ADCY10: variants seen among roughly 807,000 people sequenced by gnomAD.
The protein encoded by ADCY10 is adenylate cyclase type 10.
In ADCY10, 156 loss-of-function variants were observed where a neutral mutation model predicts 183.3. The ratio of observed to expected loss-of-function variants is 0.85; its 90% CI spans 0.75 to 0.97. The LOEUF is 0.97. ADCY10 is among the 50% of genes least tolerant of loss of function. The pLI is 0.00. For missense variants in ADCY10, 1,745 were observed against 1,934.3 expected (o/e 0.90, Z 1.84); for synonymous variants, 645 against 670.0 (o/e 0.96, Z 0.58).
At chr1:167,881,981 T>A (rs1410488095) in intron 9 of ADCY10, among the ~76,000 whole-genome samples, 1 of 152,218 alleles carries the variant, frequency 6.6e-6, no homozygotes, top group African/African-American at 2.4e-5. Context: ...TGTCAATATA[T>A]GTGTTACTCA....
intron 17 of ADCY10, among the ~76,000 whole-genome samples, chr1:167,855,649 G>C (rs576194796): frequency 6.6e-6 from 1 of 152,194 alleles, no homozygotes; most frequent in Admixed American, 6.5e-5. Context: ...TTAAGAAGGC[G>C]TAACAGGGAG....
chr1:167,868,226 G>A (rs203814), intron 14 of ADCY10, among the ~76,000 whole-genome samples: 8,366 of 152,084 alleles, frequency 0.055, 688 homozygotes, highest in African/African-American at 0.18. Context: ...CTCATGTTAC[G>A]TTTGTGGAGA....
chr1:167,815,224 G>A lies in ADCY10; in HGVS notation c.4482+2848C>T, dbSNP rs568947699. On this transcript the variant is annotated intron_variant, in intron 31 of 32. Transcript: ENST00000367851. ...GTTTTACCTCCAGAAGCTCAACCAG[G>A]ATCTCTCAGTAAATATTGGAGGAAA... 3.9e-5 allele frequency among the ~76,000 whole-genome samples: 6 copies of A among 152,188 alleles called. No individual in the cohort carries two copies. The South Asian group carries it at 1.2e-3, about 32-fold the overall frequency.
At chr1:167,901,885 A>T in intron 4 of ADCY10, 80 bp from the exon 5 acceptor site, 1 of 1,600,292 alleles carries the variant, frequency 6.2e-7, no homozygotes, top group Admixed American at 1.7e-5. Context: ...ATAGAAACTT[A>T]CTCATCAAGC....
intron 9 of ADCY10, among the ~76,000 whole-genome samples, chr1:167,883,074 A>G (rs1667978307): frequency 6.6e-6 from 1 of 152,222 alleles, no homozygotes; most frequent in Non-Finnish European, 1.5e-5. Context: ...GTCTCACGCT[A>G]TAGCCCAGGC....
At chr1:167,849,720 ATGT>A (rs1665324576) in intron 18 of ADCY10, among the ~76,000 whole-genome samples, 1 of 152,252 alleles carries the variant, frequency 6.6e-6, no homozygotes, top group Non-Finnish European at 1.5e-5. Flanking sequence ...AAAGAGTAAC[ATGT>A]TGTGGGAACA....
At chr1:167,892,449 T>C (rs1196462714) in intron 8 of ADCY10, among the ~76,000 whole-genome samples, 1 of 152,226 alleles carries the variant, frequency 6.6e-6, no homozygotes, top group Non-Finnish European at 1.5e-5. Context: ...CTCTTAGCTG[T>C]ACCTCTTCAC....
chr1:167,851,934 C>A (rs956668775), intron 18 of ADCY10, among the ~76,000 whole-genome samples: 9 of 152,002 alleles, frequency 5.9e-5, no homozygotes, highest in Non-Finnish European at 7.4e-5. Flanking sequence ...AGTATAGGAT[C>A]CAGTCCAGGA....
At chr1:167,881,056 A>AAATG (rs1343536357) in intron 9 of ADCY10, among the ~76,000 whole-genome samples, 1 of 152,242 alleles carries the variant, frequency 6.6e-6, no homozygotes, top group Non-Finnish European at 1.5e-5. Context: ...ATCTCTCTGA[A>AAATG]AATGGATATA....
chr1:167,844,206 T>C (rs957745518), intron 21 of ADCY10, among the ~76,000 whole-genome samples: 7 of 152,228 alleles, frequency 4.6e-5, no homozygotes, highest in Non-Finnish European at 7.3e-5. Flanking sequence ...TCCCCTGACA[T>C]CTTCCCTGCC....
At chr1:167,907,254 AAC>A (rs1669882088) in intron 1 of ADCY10, among the ~76,000 whole-genome samples, 1 of 152,364 alleles carries the variant, frequency 6.6e-6, no homozygotes, top group East Asian at 1.9e-4. Flanking sequence ...GATCCCAGAA[AAC>A]ACAGACCAGT....
chr1:167,861,587 G>C (rs1250774703), intron 14 of ADCY10, among the ~76,000 whole-genome samples: 1 of 152,156 alleles, frequency 6.6e-6, no homozygotes, highest in Non-Finnish European at 1.5e-5. Flanking sequence ...CCTCATTTGA[G>C]GTTCATCTCA....
At chr1:167,819,932 C>A (rs935447819) in intron 30 of ADCY10, 25 of 1,094,170 alleles carry the variant, frequency 2.3e-5, no homozygotes, top group Non-Finnish European at 3.1e-5. Context: ...CTTCTCCAGG[C>A]CATCAACTTC....
At position 167,899,591 on chromosome 1, in the gene ADCY10, T is replaced by C. The variant is rs1343844307; in HGVS notation, c.474A>G (p.Gly158=). The C allele has an allele frequency of 2.5e-6, 4 of 1,614,108 alleles. No individual in the cohort carries two copies. The Admixed American group carries it at 5.0e-5, about 20-fold the overall frequency. ...CCAGAAAGTGGCTGTGTGTTTCATC[T>C]CCAAAGACCAACATGCTGATGTGGC... ...AAGHISMLVF[G]DETHSHFLVI... Residue 158 remains glycine (G), a synonymous_variant, in exon 6 of 33, where the codon GGA becomes GGG. Transcript: ENST00000367851.
intron 13 of ADCY10, 50 bp from the exon 14 acceptor site, chr1:167,870,460 T>C (rs753613483): frequency 2.7e-6 from 4 of 1,484,048 alleles, no homozygotes; most frequent in South Asian, 1.2e-5. Flanking sequence ...CGTAAAATAG[T>C]CTAGAGATAT....
At chr1:167,885,975 A>G (rs1004112303) in intron 8 of ADCY10, among the ~76,000 whole-genome samples, 6 of 152,134 alleles carry the variant, frequency 3.9e-5, no homozygotes, top group African/African-American at 1.2e-4. Flanking sequence ...TAGAGCTGTT[A>G]CAGCTTCTTA....
chr1:167,899,576 G>A lies in ADCY10; in HGVS notation c.489C>T (p.Ser163=). 1 of 1,614,196 alleles carries A rather than the reference G, an allele frequency of 6.2e-7. No individual in the cohort carries two copies. ...CTGCCTGACCAATCACCAGAAAGTG[G>A]CTGTGTGTTTCATCTCCAAAGACCA... ...SMLVFGDETH[S]HFLVIGQAVD... Residue 163 remains serine (S), a synonymous_variant, in exon 6 of 33, where the codon AGC becomes AGT. Transcript: ENST00000367851.
chr1:167,852,422 C>T (rs535509757), intron 18 of ADCY10, among the ~76,000 whole-genome samples: 14 of 151,498 alleles, frequency 9.2e-5, no homozygotes, highest in South Asian at 4.2e-4. Context: ...CCAGCCTGGG[C>T]GACAGAGTGA....
At chr1:167,835,029 A>T (rs1571253979) in intron 23 of ADCY10, among the ~76,000 whole-genome samples, 1 of 152,226 alleles carries the variant, frequency 6.6e-6, no homozygotes, top group Non-Finnish European at 1.5e-5. Flanking sequence ...CATTTTTAAC[A>T]GTTTAATTTT....
Sources: gnomAD v4.1 joint callset for allele counts (sites outside exome capture counted in the v4.1 genomes callset) on GRCh38, gnomAD v4.1.1 for gene constraint, MANE v1.5 for transcripts, NCBI Gene and HGNC (gene_info 2026-07-23, HGNC 2026-07-21) for gene names.